The following SNX24 variants were observed in gnomAD, a reference collection of about 807,000 sequenced individuals.
SNX24 encodes sorting nexin-24.
Under a neutral mutation model 28.7 loss-of-function variants are expected in SNX24, and 22 were observed. The observed-to-expected ratio is 0.77, with a 90% CI of 0.55 to 1.10. The LOEUF (loss-of-function observed/expected upper bound fraction) is 1.10. Ranked by LOEUF, SNX24 falls within the 50% of genes least tolerant of loss-of-function variation. The pLI is 0.00. For missense variants in SNX24, 221 were observed against 201.1 expected (o/e 1.10, Z -0.60); for synonymous variants, 69 against 71.5 (o/e 0.96, Z 0.18).
At chr5:122,869,897 G>GTT (rs10623024) in intron 1 of SNX24, among the ~76,000 whole-genome samples, 111,228 of 147,590 alleles carry the variant, frequency 0.75, 42,514 homozygotes, top group East Asian at 0.98. Context: ...AGTGCTATGA[G>GTT]TTTTTTTTTT....
chr5:122,870,220 G>C (rs948304509), intron 1 of SNX24, among the ~76,000 whole-genome samples: 23 of 152,178 alleles, frequency 1.5e-4, no homozygotes, highest in African/African-American at 5.1e-4. Flanking sequence ...TCAACCTAAA[G>C]ATCTTTGTTG....
At chr5:122,855,499 G>T (rs1318191937) in intron 1 of SNX24, among the ~76,000 whole-genome samples, 6 of 152,196 alleles carry the variant, frequency 3.9e-5, no homozygotes, top group African/African-American at 1.4e-4. Flanking sequence ...GGTTTCAGGT[G>T]TCTGGGCATG....
At chr5:123,004,226 T>C (rs1762345840) in intron 6 of SNX24, among the ~76,000 whole-genome samples, 1 of 152,210 alleles carries the variant, frequency 6.6e-6, no homozygotes, top group Admixed American at 6.5e-5. Flanking sequence ...GCTTTTAACA[T>C]TAGAAATCAG....
intron 3 of SNX24, among the ~76,000 whole-genome samples, chr5:122,969,000 A>G (rs1301124258): frequency 6.6e-6 from 1 of 152,112 alleles, no homozygotes; most frequent in Non-Finnish European, 1.5e-5. Flanking sequence ...TTTACATTGG[A>G]GAAGTGTATG....
At chr5:122,854,551 T>A (rs1755094354) in intron 1 of SNX24, among the ~76,000 whole-genome samples, 1 of 151,704 alleles carries the variant, frequency 6.6e-6, no homozygotes, top group Non-Finnish European at 1.5e-5. Flanking sequence ...ATAGTGTTAC[T>A]TATGTAAAAA....
intron 3 of SNX24, among the ~76,000 whole-genome samples, chr5:122,982,128 C>T (rs542601765): frequency 6.6e-6 from 1 of 152,202 alleles, no homozygotes; most frequent in South Asian, 2.1e-4. Flanking sequence ...TAATTTTGTC[C>T]CTGATTCCCT....
At chr5:123,013,411 G>A (rs193020876), downstream of SNX24, among the ~76,000 whole-genome samples, 1 of 152,074 alleles carries the variant, frequency 6.6e-6, no homozygotes, top group Admixed American at 6.5e-5. Flanking sequence ...CTTTGTTTTG[G>A]TTTTTATTCT....
chr5:123,017,683 G>C (rs1350177721), intron 5 of SNX24, among the ~76,000 whole-genome samples: 1 of 152,054 alleles, frequency 6.6e-6, no homozygotes, highest in Non-Finnish European at 1.5e-5. Flanking sequence ...TAGGGGGTGG[G>C]TCTTTCCCAT....
intron 2 of SNX24, among the ~76,000 whole-genome samples, chr5:122,942,687 C>T (rs757512784): frequency 2.6e-4 from 39 of 152,274 alleles, no homozygotes; most frequent in African/African-American, 6.5e-4. Context: ...TACTTATCTG[C>T]GTGGATCAGA....
chr5:122,985,803 A>G (rs745666918), intron 3 of SNX24, among the ~76,000 whole-genome samples: 1 of 152,140 alleles, frequency 6.6e-6, no homozygotes, highest in Non-Finnish European at 1.5e-5. Flanking sequence ...CTTTCTCACT[A>G]TTTAACCTTT....
intron 1 of SNX24, 76 bp downstream of exon 1, chr5:122,845,769 C>G: frequency 2.3e-6 from 2 of 887,596 alleles, no homozygotes; most frequent in Middle Eastern, 3.1e-4. Flanking sequence ...CACCCTTGGC[C>G]GCCGCCGCCT....
intron 1 of SNX24, among the ~76,000 whole-genome samples, chr5:122,862,038 G>T (rs1426458474): frequency 6.6e-6 from 1 of 152,206 alleles, no homozygotes; most frequent in Non-Finnish European, 1.5e-5. Flanking sequence ...CCGCTGACAT[G>T]AAAGCTCACT....
chr5:122,951,284 A>AAAAAG, intron 3 of SNX24, among the ~76,000 whole-genome samples: 8 of 132,384 alleles, frequency 6.0e-5, no homozygotes, highest in African/African-American at 2.4e-4. Context: ...AAAAAAAAAG[A>AAAAAG]AAAAGAAAAG....
chr5:122,962,165 C>T (rs574843096), intron 3 of SNX24, among the ~76,000 whole-genome samples: 1 of 152,218 alleles, frequency 6.6e-6, no homozygotes, highest in Non-Finnish European at 1.5e-5. Context: ...TTTTATTTCT[C>T]CCAGTGATTT....
At chr5:122,902,904 A>C (rs1221648096) in intron 1 of SNX24, among the ~76,000 whole-genome samples, 1 of 152,040 alleles carries the variant, frequency 6.6e-6, no homozygotes, top group African/African-American at 2.4e-5. Flanking sequence ...TTAGTCTGCC[A>C]CTGTTGCACA....
At chr5:122,942,079 A>G (rs1227515753) in intron 2 of SNX24, among the ~76,000 whole-genome samples, 4 of 152,168 alleles carry the variant, frequency 2.6e-5, no homozygotes, top group Non-Finnish European at 4.4e-5. Flanking sequence ...TTACCTCCCT[A>G]GGCCAAAAAT....
intron 3 of SNX24, among the ~76,000 whole-genome samples, chr5:122,972,631 G>C (rs545276253): frequency 1.4e-4 from 22 of 152,326 alleles, no homozygotes; most frequent in African/African-American, 5.3e-4. Context: ...CAGAGGCAGT[G>C]CTGTGTGAAA....
downstream of SNX24, chr5:123,009,247 GT>G (rs767079640): frequency 8.1e-6 from 8 of 983,408 alleles, no homozygotes; most frequent in African/African-American, 1.7e-5. Context: ...TGGAAACATG[GT>G]TTGTATCTGT....
chr5:122,854,166 A>G (rs1244718062), intron 1 of SNX24, among the ~76,000 whole-genome samples: 1 of 152,114 alleles, frequency 6.6e-6, no homozygotes, highest in Non-Finnish European at 1.5e-5. Context: ...TGTATATAGA[A>G]GCCCTTACTG....
Sources: allele counts gnomAD v4.1 joint callset (sites outside exome capture counted in the v4.1 genomes callset), GRCh38; gene constraint gnomAD v4.1.1; transcripts MANE v1.5; gene names NCBI Gene and HGNC (gene_info 2026-07-23, HGNC 2026-07-21).